SHISA8: variants seen among roughly 807,000 people sequenced by gnomAD.
SHISA8 encodes the protein protein shisa-8.
In SHISA8, 21 loss-of-function variants were observed where a neutral mutation model predicts 21.1. That is an observed-to-expected ratio of 0.99 (90% confidence interval 0.71 to 1.43). The LOEUF is 1.43. SHISA8 is among the 40% of genes most tolerant of loss of function. SHISA8 has a pLI of 0.00. For synonymous variants in SHISA8, 300 were observed against 291.4 expected (o/e 1.03, Z -0.30); for missense variants, 535 against 599.1 (o/e 0.89, Z 1.12).
At position 41,910,343 on chromosome 22, in the gene SHISA8, C is replaced by G. The variant is rs1248426920; in HGVS notation, c.811+65G>C. 4 of 1,259,916 alleles carry G rather than the reference C, an allele frequency of 3.2e-6. No individual in the cohort carries two copies. The highest frequency in any genetic ancestry group is 2.7e-5 in the South Asian group (1 of 37,116). The allele number at this position is 1,259,916 out of a possible 1,614,324, so 78.0% of individuals were successfully genotyped here. On this transcript the variant is annotated intron_variant, in intron 3 of 3. Transcript: ENST00000621082. This position sits in a 1 kb window ranked among gnomAD's most constrained non-coding sequence, Gnocchi z 6.8. Reference sequence around the variant, plus strand: ...AATTTGGCGCTTGGAGCTGCGGCCCCGCGCTTCGCAGTCCGGGAGCTCGTG... The same window carrying G: ...AATTTGGCGCTTGGAGCTGCGGCCCGGCGCTTCGCAGTCCGGGAGCTCGTG...
Position 41,914,946 on chromosome 22 carries a change from C to A in SHISA8, c.-279G>T, listed in dbSNP as rs1468856074. Among the ~76,000 whole-genome samples, 4 of 151,566 alleles carry A rather than the reference C, an allele frequency of 2.6e-5. No homozygotes were observed. The highest frequency in any genetic ancestry group is 1.3e-4 in the Admixed American group (2 of 15,226). On this transcript the variant is annotated 5_prime_UTR_variant, in exon 1 of 4. Coordinates refer to ENST00000621082, the MANE Select transcript of SHISA8 (RefSeq NM_001207020.3). This position sits in a 1 kb window ranked among gnomAD's most constrained non-coding sequence, Gnocchi z 6.8. Reference sequence around the variant, plus strand: ...GGGCCGGGCGGCGGGTCCTCGCCTGCGCGCGGCCCCCGGCTTCTCCCCGGC... The same window carrying A: ...GGGCCGGGCGGCGGGTCCTCGCCTGAGCGCGGCCCCCGGCTTCTCCCCGGC...
rs925294005 is a variant in SHISA8 at position 41,913,780 on chromosome 22, C to T, written c.530+358G>A. Among the ~76,000 whole-genome samples the T allele has an allele frequency of 2.6e-5, 4 of 152,128 alleles. 1 individual carries two copies. In the South Asian group the frequency reaches 6.2e-4, roughly 24 times the overall value. On this transcript the variant is annotated intron_variant, in intron 1 of 3. Transcript: ENST00000621082. The stretch of plus-strand genomic sequence containing the variant: ...GCCCCTTCCTTTCCCGTGCCCAAGA[C>T]GCCCGGTCACCTCCCTGGCCAGCGG...
At position 41,910,249 on chromosome 22, in the gene SHISA8, GC is replaced by G. The variant is rs1405752862; in HGVS notation, c.812-103del. On this transcript the variant is annotated intron_variant, in intron 3 of 3. Coordinates refer to ENST00000621082, the MANE Select transcript of SHISA8 (RefSeq NM_001207020.3). This position sits in a 1 kb window ranked among gnomAD's most constrained non-coding sequence, Gnocchi z 6.8. ...GGACTGGGACGGGGACCGGGCCGGGGCGGGCCGGGGGCGGGGCCCGCTGGGG... is the reference window on the plus strand; with the variant it reads ...GGACTGGGACGGGGACCGGGCCGGGGGGGCCGGGGGCGGGGCCCGCTGGGG... 1 of 1,224,350 alleles carries G rather than the reference GC, an allele frequency of 8.2e-7. No homozygotes were observed. Among genetic ancestry groups the G allele is most frequent in the African/African-American group, 1.6e-5 (1 of 63,578 alleles). 75.8% of individuals were successfully genotyped at this position (1,224,350 alleles called of 1,614,324 possible).
Position 41,914,377 on chromosome 22 carries a change from C to T in SHISA8, c.291G>A (p.Gly97=). 1.5e-6 allele frequency: 2 copies of T among 1,300,430 alleles called. No individual in the cohort carries two copies. Among genetic ancestry groups the T allele is most frequent in the South Asian group, 2.3e-5 (1 of 44,360 alleles). The allele number at this position is 1,300,430 out of a possible 1,614,324, so 80.6% of individuals were successfully genotyped here. ...AGCGGCTCTGGTCGAGGCGCCGCGG[C>T]CCGTCGTGGCAGCAGAAGCGGTAGC... is the stretch of plus-strand genomic sequence containing the variant. ...TCGYRFCCHD[G]PRRLDQSRCS... The change falls in exon 1 of 4, where the codon GGG becomes GGA. Residue 97 remains glycine, a synonymous_variant. Transcript: ENST00000621082. The surrounding 1 kb of genome is among the most constrained non-coding windows in gnomAD (Gnocchi z 6.8).
intron 1 of SHISA8, among the ~76,000 whole-genome samples, chr22:41,911,598 C>T (rs997837385): frequency 7.9e-5 from 12 of 152,262 alleles, no homozygotes; most frequent in Non-Finnish European, 1.6e-4. Context: ...TCCCTCCCCT[C>T]CCCTCCCTGG....
At position 41,914,114 on chromosome 22, in the gene SHISA8, G is replaced by T; in HGVS notation, c.530+24C>A. On this transcript the variant is annotated intron_variant, in intron 1 of 3. Transcript: ENST00000621082. This position sits in a 1 kb window ranked among gnomAD's most constrained non-coding sequence, Gnocchi z 6.8. ...GAGAGCAGTCCGAGGAGCAGGCGGG[G>T]GTCCCTGGGCGGCGCGTGCTCACCT... 1 of 1,385,670 alleles carries T rather than the reference G, an allele frequency of 7.2e-7. No homozygotes were observed. The highest frequency in any genetic ancestry group is 1.6e-5 in the South Asian group (1 of 62,332). The allele number at this position is 1,385,670 out of a possible 1,614,324, so 85.8% of individuals were successfully genotyped here.
At position 41,915,021 on chromosome 22, in the gene SHISA8, G is replaced by T. The variant is rs1044555879; in HGVS notation, c.-354C>A. Among the ~76,000 whole-genome samples, 7 of 151,882 alleles carry T rather than the reference G, an allele frequency of 4.6e-5. No individual in the cohort carries two copies. The highest frequency in any genetic ancestry group is 1.7e-4 in the African/African-American group (7 of 41,396). On this transcript the variant is annotated 5_prime_UTR_variant, in exon 1 of 4. Coordinates refer to ENST00000621082, the MANE Select transcript of SHISA8 (RefSeq NM_001207020.3). This position sits in a 1 kb window ranked among gnomAD's most constrained non-coding sequence, Gnocchi z 5.0. ...CTAGCGGAGGCCGCGCCGGGGCCGC[G>T]GGCCGCCCGACTGCGCTACCTTCCC...
In SHISA8 at chr22:41,914,391, A is replaced by T; in HGVS notation, c.277T>A (p.Cys93Ser). Residue 93 changes from cysteine to serine, a missense_variant, in exon 1 of 4, where the codon TGC becomes AGC. Coordinates refer to ENST00000621082, the MANE Select transcript of SHISA8 (RefSeq NM_001207020.3). This position sits in a 1 kb window ranked among gnomAD's most constrained non-coding sequence, Gnocchi z 6.8. Reference sequence around the variant, plus strand: ...AGGCGCCGCGGCCCGTCGTGGCAGCAGAAGCGGTAGCCGCACGTGCCGCAG... The same window carrying T: ...AGGCGCCGCGGCCCGTCGTGGCAGCTGAAGCGGTAGCCGCACGTGCCGCAG... ...FCCGTCGYRF[C>S]CHDGPRRLDQ... 7.6e-7 allele frequency: 1 copy of T among 1,316,452 alleles called. No individual in the cohort carries two copies. The highest frequency in any genetic ancestry group is 9.7e-7 in the Non-Finnish European group (1 of 1,030,638). The allele number at this position is 1,316,452 out of a possible 1,614,324, so 81.5% of individuals were successfully genotyped here.
chr22:41,910,053 C>G lies in SHISA8; in HGVS notation c.906G>C (p.Leu302Phe), dbSNP rs1020459397. 622 of 1,255,012 alleles carry G rather than the reference C, an allele frequency of 5.0e-4. 1 individual carries two copies. Among genetic ancestry groups the G allele is most frequent in the Non-Finnish European group, 4.7e-4 (473 of 1,005,050 alleles). The allele number at this position is 1,255,012 out of a possible 1,614,324, so 77.7% of individuals were successfully genotyped here. A position where few individuals can be genotyped will look rare whatever the true frequency, so the allele number is the denominator to read the frequency against. Residue 302 changes from leucine to phenylalanine, a missense_variant, in exon 4 of 4, where the codon TTG becomes TTC. Coordinates refer to ENST00000621082, the MANE Select transcript of SHISA8 (RefSeq NM_001207020.3). The surrounding 1 kb of genome is among the most constrained non-coding windows in gnomAD (Gnocchi z 6.8). ...AGGGGCAGGCGTCCAGCGGCGCAGG[C>G]AAGTCCGGGGATGGTCGCGGAGCCC... ...PARAPRPSPD[L>F]PAPLDACPWA...
chr22:41,911,141 G>A (rs1177375044), intron 2 of SHISA8, 75 bp downstream of exon 2: 28 of 1,245,700 alleles, frequency 2.2e-5, no homozygotes, highest in Admixed American at 4.2e-5. Flanking sequence ...TGCCCCAGCC[G>A]AGGGACCGCC....
At chr22:41,913,995 G>C (rs1475538372) in intron 1 of SHISA8, 143 bp downstream of exon 1, 23 of 853,032 alleles carry the variant, frequency 2.7e-5, no homozygotes, top group Middle Eastern at 8.2e-4. Context: ...GTGTTGGGGG[G>C]GCGGCGGGGG....
rs983417729 is a variant in SHISA8 at position 41,909,608 on chromosome 22, A to T, written c.*157T>A. ...AGGAACCACATAAAAGGGCTTATTT[A>T]CAAGACGAACCCGCGGCCTGCAGGC... is the stretch of plus-strand genomic sequence containing the variant. On this transcript the variant is annotated 3_prime_UTR_variant, in exon 4 of 4. Coordinates refer to ENST00000621082, the MANE Select transcript of SHISA8 (RefSeq NM_001207020.3). 4.8e-5 allele frequency: 50 copies of T among 1,037,016 alleles called. No individual in the cohort carries two copies. Among genetic ancestry groups the T allele is most frequent in the Non-Finnish European group, 5.6e-5 (44 of 788,700 alleles). 64.2% of individuals were successfully genotyped at this position (1,037,016 alleles called of 1,614,324 possible).
chr22:41,911,600 C>T (rs1049539037), intron 1 of SHISA8, among the ~76,000 whole-genome samples: 1 of 152,168 alleles, frequency 6.6e-6, no homozygotes, highest in Non-Finnish European at 1.5e-5. Flanking sequence ...CCTCCCCTCC[C>T]CTCCCTGGAG....
chr22:41,910,393 G>T lies in SHISA8; in HGVS notation c.811+15C>A. 1 of 1,300,558 alleles carries T rather than the reference G, an allele frequency of 7.7e-7. No individual in the cohort carries two copies. Among genetic ancestry groups the T allele is most frequent in the African/African-American group, 1.5e-5 (1 of 64,812 alleles). 80.6% of individuals were successfully genotyped at this position (1,300,558 alleles called of 1,614,324 possible). On this transcript the variant is annotated intron_variant, in intron 3 of 3. Coordinates refer to ENST00000621082, the MANE Select transcript of SHISA8 (RefSeq NM_001207020.3). The surrounding 1 kb of genome is among the most constrained non-coding windows in gnomAD (Gnocchi z 6.8). ...GCGCCCAGGTGCCCTGACGCTGCCC[G>T]CACCCGCCACTCACCTGCGGCCTTG...
Position 41,911,235 on chromosome 22 carries a change from G to T in SHISA8, c.645C>A (p.Gly215=). The T allele has an allele frequency of 1.6e-6, 2 of 1,280,696 alleles. No individual in the cohort carries two copies. The highest frequency in any genetic ancestry group is 2.0e-6 in the Non-Finnish European group (2 of 1,014,202). 79.3% of individuals were successfully genotyped at this position (1,280,696 alleles called of 1,614,324 possible). A position where few individuals can be genotyped will look rare whatever the true frequency, so the allele number is the denominator to read the frequency against. The change falls in exon 2 of 4, where the codon GGC becomes GGA. Residue 215 remains glycine, a synonymous_variant. Transcript: ENST00000621082. ...ACTCACCTGCGCTGTTGTGGGGGGA[G>T]CCCCGGGGGAGGCCGTCCCCCATCT... is the stretch of plus-strand genomic sequence containing the variant. ...QVQMGDGLPR[G]SPHNSADKKR...
At chr22:41,911,173 CGCGT>C in intron 2 of SHISA8, 39 bp downstream of exon 2, 2 of 1,257,916 alleles carry the variant, frequency 1.6e-6, no homozygotes, top group Non-Finnish European at 1.0e-6. Context: ...CACGCCCCTC[CGCGT>C]GCTCCGCCGC....
In SHISA8 at chr22:41,910,532, C is replaced by A; in HGVS notation, c.687G>T (p.Ala229=). The change falls in exon 3 of 4, where the codon GCG becomes GCT. Residue 229 remains alanine (A), a synonymous_variant. Transcript: ENST00000621082. The surrounding 1 kb of genome is among the most constrained non-coding windows in gnomAD (Gnocchi z 6.8). Reference sequence around the variant, plus strand: ...GCCCCGGGGCGGCCGACCCCCGGGGCGCGTTGTTGAGGCGCTTCTTGTCTG... The same window carrying A: ...GCCCCGGGGCGGCCGACCCCCGGGGAGCGTTGTTGAGGCGCTTCTTGTCTG... ...NSADKKRLNN[A]PRGSAAPGPP... 8.1e-7 allele frequency: 1 copy of A among 1,241,916 alleles called. No homozygotes were observed. The highest frequency in any genetic ancestry group is 2.6e-4 in the Middle Eastern group (1 of 3,822). The allele number at this position is 1,241,916 out of a possible 1,614,324, so 76.9% of individuals were successfully genotyped here. A position where few individuals can be genotyped will look rare whatever the true frequency, so the allele number is the denominator to read the frequency against.
At position 41,911,223 on chromosome 22, in the gene SHISA8, G is replaced by T; in HGVS notation, c.657C>A (p.Asn219Lys). ...GDGLPRGSPH[N>K]SADKKRLNNA... The stretch of plus-strand genomic sequence containing the variant: ...CGCCCGCCACCGACTCACCTGCGCT[G>T]TTGTGGGGGGAGCCCCGGGGGAGGC... Residue 219 changes from asparagine (N) to lysine (K), a missense_variant, in exon 2 of 4, where the codon AAC becomes AAA. Coordinates refer to ENST00000621082, the MANE Select transcript of SHISA8 (RefSeq NM_001207020.3). The T allele has an allele frequency of 7.8e-7, 1 of 1,283,340 alleles. No individual in the cohort carries two copies. Among genetic ancestry groups the T allele is most frequent in the South Asian group, 2.6e-5 (1 of 37,808 alleles). 79.5% of individuals were successfully genotyped at this position (1,283,340 alleles called of 1,614,324 possible). A position where few individuals can be genotyped will look rare whatever the true frequency, so the allele number is the denominator to read the frequency against.
At chr22:41,912,189 G>A (rs1399426424) in intron 1 of SHISA8, among the ~76,000 whole-genome samples, 2 of 152,226 alleles carry the variant, frequency 1.3e-5, no homozygotes, top group Admixed American at 1.3e-4. Context: ...CACAGGCTGT[G>A]TGACCTTGGA....
Sources: gnomAD v4.1 joint callset for allele counts (sites outside exome capture counted in the v4.1 genomes callset) on GRCh38, gnomAD v4.1.1 for gene constraint, Gnocchi (gnomAD v3.1) non-coding constraint, MANE v1.5 for transcripts, NCBI Gene and HGNC (gene_info 2026-07-23, HGNC 2026-07-21) for gene names.